ATAD2B: variants seen among roughly 807,000 people sequenced by gnomAD.
ATAD2B encodes the protein ATPase family AAA domain-containing protein 2B.
ATAD2B carries 40 observed loss-of-function variants against 167.6 expected under a neutral mutation model. The observed-to-expected ratio is 0.24, with a 90% CI of 0.19 to 0.31. ATAD2B has a LOEUF of 0.31. Among genes scored for constraint, ATAD2B ranks in the 10% least tolerant of loss-of-function variants. The pLI, the probability that ATAD2B is intolerant of heterozygous loss-of-function variation, is 1.00. For missense variants in ATAD2B, 1,242 were observed against 1,757.2 expected, an observed-to-expected ratio of 0.71 and a Z score of 5.24; for synonymous variants, 579 against 596.5, an observed-to-expected ratio of 0.97 and a Z score of 0.43.
intron 13 of ATAD2B, among the ~76,000 whole-genome samples, chr2:23,840,904 A>G (rs1690788944): frequency 6.6e-6 from 1 of 152,094 alleles, no homozygotes; most frequent in African/African-American, 2.4e-5. Context: ...AGGGAATTGC[A>G]GATTTTAAAT....
chr2:23,859,397 C>T (rs1379370894), intron 12 of ATAD2B, among the ~76,000 whole-genome samples: 2 of 152,072 alleles, frequency 1.3e-5, no homozygotes, highest in East Asian at 1.9e-4. Flanking sequence ...TCAGCCTCCA[C>T]CCACCAGCTC....
At position 23,878,025 on chromosome 2, in the gene ATAD2B, A is replaced by AAAAAAAAAAAAAAAAAAAAG. The variant is rs1558714074; in HGVS notation, c.902-2122_902-2121insCTTTTTTTTTTTTTTTTTTT. ...ACCCTATCTCCAAAGAAAAAAAAAA[A>AAAAAAAAAAAAAAAAAAAAG]AAAAAAAAAAAAAAGCAAAATGTAT... is the stretch of plus-strand genomic sequence containing the variant. On this transcript the variant is annotated intron_variant, in intron 7 of 27. Coordinates refer to ENST00000238789, the MANE Select transcript of ATAD2B (RefSeq NM_017552.4). Among the ~76,000 whole-genome samples, 132 of 106,914 alleles carry AAAAAAAAAAAAAAAAAAAAG rather than the reference A, an allele frequency of 1.2e-3. 4 individuals are homozygous for AAAAAAAAAAAAAAAAAAAAG. The highest frequency in any genetic ancestry group is 3.8e-3 in the East Asian group (10 of 2,610). The allele number at this position is 106,914 out of a possible 152,430, so 70.1% of individuals were successfully genotyped here. A position where few individuals can be genotyped will look rare whatever the true frequency, so the allele number is the denominator to read the frequency against.
In ATAD2B at chr2:23,769,846, G is replaced by T. The variant is rs552332707; in HGVS notation, c.3134-4218C>A. Among the ~76,000 whole-genome samples, 5 of 150,726 alleles carry T rather than the reference G, an allele frequency of 3.3e-5. No homozygotes were observed. The South Asian group carries it at 1.1e-3, about 32-fold the overall frequency. On this transcript the variant is annotated intron_variant, in intron 22 of 27. Coordinates refer to ENST00000238789, the MANE Select transcript of ATAD2B (RefSeq NM_017552.4). ...TTACAGGTGTGTGCCACCCCACCCA[G>T]CTGATTTTTGTATATTTAGTAGAGA...
chr2:23,701,133 C>T, the ATAD2B span, among the ~76,000 whole-genome samples: 1 of 152,184 alleles, frequency 6.6e-6, no homozygotes, highest in East Asian at 1.9e-4. Context: ...CTTCCCATCC[C>T]ACCAGTAGTG....
intron 18 of ATAD2B, among the ~76,000 whole-genome samples, chr2:23,800,652 AC>A (rs1316057168): frequency 3.3e-5 from 5 of 152,106 alleles, no homozygotes; most frequent in Non-Finnish European, 7.4e-5. Flanking sequence ...TGTTGTATTG[AC>A]CCCATTAAAA....
the ATAD2B span, among the ~76,000 whole-genome samples, chr2:23,705,851 G>A: frequency 6.6e-6 from 1 of 152,168 alleles, no homozygotes; most frequent in Non-Finnish European, 1.5e-5. Flanking sequence ...TGCAGAGAGG[G>A]GCCAGATGCT....
chr2:23,906,398 A>G (rs576258129), intron 1 of ATAD2B, among the ~76,000 whole-genome samples: 23 of 152,142 alleles, frequency 1.5e-4, no homozygotes, highest in Admixed American at 2.6e-4. Flanking sequence ...AAGTATGGAG[A>G]AAACCTGCAT....
chr2:23,680,382 A>C, the ATAD2B span, among the ~76,000 whole-genome samples: 1 of 152,166 alleles, frequency 6.6e-6, no homozygotes, highest in Admixed American at 6.5e-5. This position sits in a 1 kb window ranked among gnomAD's most constrained non-coding sequence, Gnocchi z 4.1. Context: ...GAAAGGGGCA[A>C]AGAGGCCTGG....
Position 23,765,715 on chromosome 2 carries a change from C to G in ATAD2B, c.3134-87G>C. On this transcript the variant is annotated intron_variant, in intron 22 of 27. Coordinates refer to ENST00000238789, the MANE Select transcript of ATAD2B (RefSeq NM_017552.4). ...ATCTTAAAAAGTAAAAGAATACAAA[C>G]AAAATTATAAAAAGCATTGCTAGGT... 5.5e-6 allele frequency: 5 copies of G among 916,358 alleles called. No individual in the cohort carries two copies. In the South Asian group the frequency reaches 1.6e-4, roughly 30 times the overall value. The allele number at this position is 916,358 out of a possible 1,614,324, so 56.8% of individuals were successfully genotyped here. A position where few individuals can be genotyped will look rare whatever the true frequency, so the allele number is the denominator to read the frequency against.
chr2:23,847,461 C>A (rs1161573061), intron 13 of ATAD2B, among the ~76,000 whole-genome samples: 1 of 151,522 alleles, frequency 6.6e-6, no homozygotes, highest in Non-Finnish European at 1.5e-5. Context: ...GCAGAGATTG[C>A]GCCACTGCAC....
At chr2:23,785,919 G>T in intron 21 of ATAD2B, 108 bp downstream of exon 21, 1 of 935,334 alleles carries the variant, frequency 1.1e-6, no homozygotes. Context: ...TAGGCTAGGG[G>T]TAATATTCAT....
intron 13 of ATAD2B, among the ~76,000 whole-genome samples, chr2:23,837,251 G>A (rs538826398): frequency 1.3e-5 from 2 of 152,320 alleles, no homozygotes; most frequent in South Asian, 4.1e-4. Context: ...CCCCAATCTT[G>A]CTCCAAGATC....
chr2:23,722,318 G>GAT, the ATAD2B span, among the ~76,000 whole-genome samples: 1 of 152,160 alleles, frequency 6.6e-6, no homozygotes, highest in Non-Finnish European at 1.5e-5. Context: ...AACTCGGTGA[G>GAT]ATACAAGAAA....
intron 7 of ATAD2B, among the ~76,000 whole-genome samples, chr2:23,876,597 G>A (rs1219931693): frequency 6.6e-6 from 1 of 152,152 alleles, no homozygotes; most frequent in Non-Finnish European, 1.5e-5. Flanking sequence ...ACTGTGCCCG[G>A]CCCCTGTTAA....
intron 7 of ATAD2B, among the ~76,000 whole-genome samples, chr2:23,878,292 C>T (rs1453786447): frequency 6.6e-6 from 1 of 150,796 alleles, no homozygotes; most frequent in African/African-American, 2.4e-5. Flanking sequence ...ACCCAGGAGG[C>T]GGAGGCTGCA....
intron 18 of ATAD2B, among the ~76,000 whole-genome samples, chr2:23,803,371 G>A (rs528308109): frequency 3.7e-4 from 57 of 152,072 alleles, no homozygotes; most frequent in African/African-American, 1.3e-3. Context: ...ATAAATGTTG[G>A]ACTAATGTCT....
the ATAD2B span, among the ~76,000 whole-genome samples, chr2:23,682,562 T>C: frequency 6.6e-6 from 1 of 152,204 alleles, no homozygotes; most frequent in Non-Finnish European, 1.5e-5. This position sits in a 1 kb window ranked among gnomAD's most constrained non-coding sequence, Gnocchi z 4.1. Context: ...AGGATGAAGC[T>C]GGAGCTCCCA....
chr2:23,816,980 A>G (rs967752867), intron 17 of ATAD2B, among the ~76,000 whole-genome samples: 2 of 152,210 alleles, frequency 1.3e-5, no homozygotes, highest in African/African-American at 2.4e-5. Flanking sequence ...AACCAGCACT[A>G]AAGTTATGCT....
intron 21 of ATAD2B, among the ~76,000 whole-genome samples, chr2:23,783,457 A>T (rs1680359144): frequency 6.6e-6 from 1 of 152,144 alleles, no homozygotes; most frequent in African/African-American, 2.4e-5. Context: ...TAAATTTTCA[A>T]CAAAAATTTT....
Sources: gnomAD v4.1 joint callset for allele counts (sites outside exome capture counted in the v4.1 genomes callset) on GRCh38, gnomAD v4.1.1 for gene constraint, Gnocchi (gnomAD v3.1) non-coding constraint, MANE v1.5 for transcripts, NCBI Gene and HGNC (gene_info 2026-07-23, HGNC 2026-07-21) for gene names.